The following COL4A2 variants were observed in gnomAD, a reference collection of about 807,000 sequenced individuals.
COL4A2 encodes collagen alpha-2(IV) chain.
A neutral mutation model predicts 200.2 loss-of-function variants in COL4A2; 99 were observed. The ratio of observed to expected loss-of-function variants is 0.49; its 90% CI spans 0.42 to 0.58. The LOEUF (loss-of-function observed/expected upper bound fraction) is 0.58. Ranked by LOEUF, COL4A2 falls within the 20% of genes least tolerant of loss-of-function variation. The pLI, the probability that COL4A2 is intolerant of heterozygous loss-of-function variation, is 0.00. For synonymous variants in COL4A2, 897 were observed against 900.6 expected (o/e 1.00, Z 0.07); for missense variants, 1,950 against 2,314.1 (o/e 0.84, Z 3.23).
chr13:110,347,387 G>A (rs1290458097), intron 3 of COL4A2, among the ~76,000 whole-genome samples: 20 of 152,178 alleles, frequency 1.3e-4, no homozygotes, highest in Admixed American at 1.3e-3. Context: ...CCTGTGCAAG[G>A]GTGCCATCAT....
intron 4 of COL4A2, among the ~76,000 whole-genome samples, chr13:110,370,228 GTTT>G (rs1161019328): frequency 3.6e-4 from 55 of 151,220 alleles, no homozygotes; most frequent in African/African-American, 1.3e-3. Flanking sequence ...AAAAACAAGG[GTTT>G]TTTTTACTTT....
In COL4A2 at chr13:110,501,678, C is replaced by T. The variant is rs765259212; in HGVS notation, c.3771C>T (p.Gly1257=). 1 of 1,613,696 alleles carries T rather than the reference C, an allele frequency of 6.2e-7. No homozygotes were observed. Among genetic ancestry groups the T allele is most frequent in the South Asian group, 1.1e-5 (1 of 91,074 alleles). The change falls in exon 41 of 48, where the codon GGC becomes GGT. Residue 1257 remains glycine (G), a synonymous_variant. Transcript: ENST00000360467. ...TGTTTTCATCCTAAGGGGAACGAGG[C>T]CCACCTGGGAGCCCAGGACTTCAGG... ...KGDQGAPGER[G]PPGSPGLQGF...
intron 4 of COL4A2, among the ~76,000 whole-genome samples, chr13:110,362,063 C>CT: frequency 6.6e-6 from 1 of 152,336 alleles, no homozygotes; most frequent in East Asian, 1.9e-4. Flanking sequence ...ATATGTCAGC[C>CT]TAGAAGAGTG....
At chr13:110,465,328 G>C (rs1594088619) in intron 24 of COL4A2, 77 bp from the exon 25 acceptor site, 1 of 1,495,918 alleles carries the variant, frequency 6.7e-7, no homozygotes, top group Admixed American at 2.2e-5. Context: ...TCCGGGAAAT[G>C]GGAAAGGAAA....
rs576869323 is a variant in COL4A2, at chr13:110,492,006, G to A, written c.3455-64G>A. The A allele has an allele frequency of 2.8e-6, 4 of 1,427,368 alleles. No homozygotes were observed. In the Admixed American group the frequency reaches 9.5e-5, roughly 34 times the overall value. The allele number at this position is 1,427,368 out of a possible 1,614,324, so 88.4% of individuals were successfully genotyped here. ...CCAGAGCGGCTGCCCCTCCTGCCAG[G>A]ACCTCACCACACAGCGCCCAAGGTG... On this transcript the variant is annotated intron_variant, in intron 37 of 47. Coordinates refer to ENST00000360467, the MANE Select transcript of COL4A2 (RefSeq NM_001846.4).
intron 4 of COL4A2, among the ~76,000 whole-genome samples, chr13:110,400,530 G>A (rs915455332): frequency 1.4e-4 from 14 of 98,012 alleles, no homozygotes; most frequent in African/African-American, 5.2e-4. Context: ...ATTAACTTCT[G>A]ATTCCTTGAA....
chr13:110,505,174 C>G (rs1190473130), intron 45 of COL4A2, among the ~76,000 whole-genome samples: 2 of 151,412 alleles, frequency 1.3e-5, no homozygotes, highest in Non-Finnish European at 2.9e-5. Flanking sequence ...CACGGTGAAA[C>G]CCCGTCTCTA....
chr13:110,488,856 T>G (rs543334139), intron 34 of COL4A2, among the ~76,000 whole-genome samples: 2 of 152,298 alleles, frequency 1.3e-5, no homozygotes, highest in African/African-American at 4.8e-5. Flanking sequence ...CACACTGTCG[T>G]GATGGAGACC....
Position 110,426,131 on chromosome 13 carries a change from A to G in COL4A2, c.360+1134A>G, listed in dbSNP as rs114004567. Among the ~76,000 whole-genome samples the G allele has an allele frequency of 2.9e-3, 447 of 152,384 alleles. 2 individuals are homozygous for G. Among genetic ancestry groups the G allele is most frequent in the African/African-American group, 9.0e-3 (374 of 41,598 alleles). On this transcript the variant is annotated intron_variant, in intron 6 of 47. Coordinates refer to ENST00000360467, the MANE Select transcript of COL4A2 (RefSeq NM_001846.4). Reference sequence around the variant, plus strand: ...GCACAACCCAAAGATTAAACAAATTAGGAAAGTATTTTCATACTAATGGCC... The same window carrying G: ...GCACAACCCAAAGATTAAACAAATTGGGAAAGTATTTTCATACTAATGGCC...
rs1439270898 is a variant in COL4A2, at chr13:110,307,863, A to G, written c.-41A>G. On this transcript the variant is annotated 5_prime_UTR_variant, in exon 2 of 48. Transcript: ENST00000360467. This position sits in a 1 kb window ranked among gnomAD's most constrained non-coding sequence, Gnocchi z 5.0. The stretch of plus-strand genomic sequence containing the variant: ...TCGCTTTGTCTGTCGCCTCTAGGCT[A>G]AGTGGGACTGACCGGGGCCCAGAGT... 12 of 1,601,850 alleles carry G rather than the reference A, an allele frequency of 7.5e-6. No homozygotes were observed. Among genetic ancestry groups the G allele is most frequent in the Non-Finnish European group, 1.0e-5 (12 of 1,173,682 alleles).
At chr13:110,348,990 T>G (rs769909806) in intron 3 of COL4A2, among the ~76,000 whole-genome samples, 2 of 152,250 alleles carry the variant, frequency 1.3e-5, no homozygotes, top group African/African-American at 4.8e-5. Flanking sequence ...ACTGCTCATT[T>G]TCTATGTGCA....
chr13:110,357,476 TGAA>T lies in COL4A2; in HGVS notation c.109_111del (p.Lys37del). ...CCTTGTGTTTTATTGTTGCAGGGTG[TGAA>T]GAAGTTTGATGTGCCGTGTGGAGGA... On this transcript the variant is annotated inframe_deletion, in exon 4 of 48. Transcript: ENST00000360467. The T allele has an allele frequency of 6.3e-7, 1 of 1,588,706 alleles. No homozygotes were observed. Among genetic ancestry groups the T allele is most frequent in the Non-Finnish European group, 8.6e-7 (1 of 1,165,044 alleles).
At chr13:110,325,788 CTT>C (rs111624101) in intron 3 of COL4A2, among the ~76,000 whole-genome samples, 18 of 143,788 alleles carry the variant, frequency 1.3e-4, no homozygotes, top group Admixed American at 2.1e-4. Flanking sequence ...TCCTGAATTT[CTT>C]TTTTTTTTTT....
intron 18 of COL4A2, among the ~76,000 whole-genome samples, chr13:110,448,748 A>T (rs545236756): frequency 6.6e-6 from 1 of 152,178 alleles, no homozygotes; most frequent in Non-Finnish European, 1.5e-5. Flanking sequence ...TGTAGGTCAC[A>T]CTGTGTGCCA....
intron 3 of COL4A2, among the ~76,000 whole-genome samples, chr13:110,356,708 C>T (rs10161783): frequency 0.75 from 113,411 of 151,880 alleles, 43,884 homozygotes; most frequent in Non-Finnish European, 0.86. Context: ...TCCAGATTCT[C>T]GGAATGTTCT....
chr13:110,500,942 C>G lies in COL4A2; in HGVS notation c.3761-726C>G, dbSNP rs116521318. On this transcript the variant is annotated intron_variant, in intron 40 of 47. Coordinates refer to ENST00000360467, the MANE Select transcript of COL4A2 (RefSeq NM_001846.4). Reference sequence around the variant, plus strand: ...GGGGCATTTGAAACAGCAAAATCACCAGCATAAAGCACAAAAATGTGGAAA... The same window carrying G: ...GGGGCATTTGAAACAGCAAAATCACGAGCATAAAGCACAAAAATGTGGAAA... Among the ~76,000 whole-genome samples the G allele has an allele frequency of 4.5e-3, 685 of 152,266 alleles. 4 individuals are homozygous for G. Among genetic ancestry groups the G allele is most frequent in the African/African-American group, 0.016 (654 of 41,546 alleles).
intron 22 of COL4A2, among the ~76,000 whole-genome samples, chr13:110,461,599 C>T (rs573918442): frequency 1.3e-5 from 2 of 152,308 alleles, no homozygotes; most frequent in East Asian, 3.9e-4. Flanking sequence ...CGGCTCACTG[C>T]AACCTCCACC....
At position 110,394,254 on chromosome 13, in the gene COL4A2, C is replaced by T. The variant is rs150718315; in HGVS notation, c.181-30480C>T. ...CAGACACTGTTTTGCTCTGTGTGTG[C>T]GTGTGTGTGTCTGTGTGTAATTAAC... On this transcript the variant is annotated intron_variant, in intron 4 of 47. Coordinates refer to ENST00000360467, the MANE Select transcript of COL4A2 (RefSeq NM_001846.4). 1.6e-4 allele frequency among the ~76,000 whole-genome samples: 24 copies of T among 152,226 alleles called. No individual in the cohort carries two copies. In the East Asian group the frequency reaches 4.6e-3, roughly 29 times the overall value.
In COL4A2 at chr13:110,511,981, G is replaced by C. The variant is rs7320105; in HGVS notation, c.4929G>C (p.Pro1643=). 1 of 1,613,532 alleles carries C rather than the reference G, an allele frequency of 6.2e-7. No homozygotes were observed. The highest frequency in any genetic ancestry group is 1.1e-5 in the South Asian group (1 of 91,078). ...GCGGTGGCCAATCACTGGTGTCACC[G>C]GGCAGCTGTCTAGAGGACTTCCGCG... ...DEGGGQSLVS[P]GSCLEDFRAT... The change falls in exon 48 of 48, where the codon CCG becomes CCC. Residue 1643 remains proline, a synonymous_variant. Coordinates refer to ENST00000360467, the MANE Select transcript of COL4A2 (RefSeq NM_001846.4).
Sources: gnomAD v4.1 joint callset for allele counts (sites outside exome capture counted in the v4.1 genomes callset) on GRCh38, gnomAD v4.1.1 for gene constraint, Gnocchi (gnomAD v3.1) non-coding constraint, MANE v1.5 for transcripts, NCBI Gene and HGNC (gene_info 2026-07-23, HGNC 2026-07-21) for gene names.